The following UNC13C variants were observed in gnomAD, a reference collection of about 807,000 sequenced individuals.
UNC13C encodes protein unc-13 homolog C.
UNC13C carries 174 observed loss-of-function variants against 245.4 expected under a neutral mutation model. That is an observed-to-expected ratio of 0.71 (90% CI 0.63 to 0.80). The LOEUF is 0.80. Among genes scored for constraint, UNC13C ranks in the 30% least tolerant of loss-of-function variants. The pLI, the probability that UNC13C is intolerant of heterozygous loss-of-function variation, is 0.00. For missense variants in UNC13C, 2,829 were observed against 2,602.9 expected (o/e 1.09, Z -1.89); for synonymous variants, 992 against 895.1 (o/e 1.11, Z -1.93).
intron 4 of UNC13C, among the ~76,000 whole-genome samples, chr15:54,175,422 G>A (rs1437145238): frequency 6.6e-6 from 1 of 151,680 alleles, no homozygotes; most frequent in Non-Finnish European, 1.5e-5. Flanking sequence ...AAACCAAGGT[G>A]AGTCTTCCCT....
rs73416935 is a variant in UNC13C, at chr15:54,048,929, T to C, written c.2983+33043T>C. 9.7e-3 allele frequency: 2,703 copies of C among 278,218 alleles called. 66 individuals are homozygous for C. The highest frequency in any genetic ancestry group is 0.056 in the African/African-American group (2,449 of 43,752). The allele number at this position is 278,218 out of a possible 1,614,324, so 17.2% of individuals were successfully genotyped here. On this transcript the variant is annotated intron_variant, in intron 2 of 32. Coordinates refer to ENST00000260323, the MANE Select transcript of UNC13C (RefSeq NM_001080534.3). Reference sequence around the variant, plus strand: ...TATTGGAATAATACCACACTGTAAATTGAGTATCTTGAAGCCTGCAAAGGA... The same window carrying C: ...TATTGGAATAATACCACACTGTAAACTGAGTATCTTGAAGCCTGCAAAGGA...
chr15:54,038,124 A>ATAAAATTTTTTTTTTTTTTTTTTTTT, intron 2 of UNC13C, among the ~76,000 whole-genome samples: 2 of 45,034 alleles, frequency 4.4e-5, no homozygotes, highest in African/African-American at 2.1e-4. Flanking sequence ...ATATATATAT[A>ATAAAATTTTTTTTTTTTTTTTTTTTT]TTTTTTTTTT....
At chr15:54,345,762 C>T (rs969065750) in intron 17 of UNC13C, among the ~76,000 whole-genome samples, 1 of 152,084 alleles carries the variant, frequency 6.6e-6, no homozygotes, top group African/African-American at 2.4e-5. Context: ...GGACCAGCTC[C>T]CCATTTACTC....
intron 12 of UNC13C, among the ~76,000 whole-genome samples, 175 bp downstream of exon 12, chr15:54,298,101 C>G (rs1013138971): frequency 6.6e-6 from 1 of 152,048 alleles, no homozygotes; most frequent in African/African-American, 2.4e-5. Context: ...TGTTGTATTA[C>G]CCCTGACGAA....
chr15:54,167,602 G>GAAAAAAAAAAA (rs35210236), intron 4 of UNC13C, among the ~76,000 whole-genome samples: 34 of 63,554 alleles, frequency 5.3e-4, no homozygotes, highest in East Asian at 1.1e-3. Context: ...ATCCAAATAG[G>GAAAAAAAAAAA]AAAAAAAAAA....
At chr15:53,964,952 C>T in the UNC13C span, among the ~76,000 whole-genome samples, 2 of 152,098 alleles carry the variant, frequency 1.3e-5, no homozygotes, top group Non-Finnish European at 2.9e-5. Context: ...CCAAGATACA[C>T]ATCTTTTAGG....
At chr15:53,952,294 G>A in the UNC13C span, among the ~76,000 whole-genome samples, 6 of 152,164 alleles carry the variant, frequency 3.9e-5, no homozygotes, top group East Asian at 3.8e-4. Flanking sequence ...TTACCTGGCA[G>A]GACAATATCA....
intron 10 of UNC13C, among the ~76,000 whole-genome samples, chr15:54,284,316 A>G (rs1279774847): frequency 4.6e-5 from 7 of 152,196 alleles, no homozygotes; most frequent in Admixed American, 4.6e-4. Context: ...TGTAATATCT[A>G]ATGAGGAATT....
chr15:53,926,682 C>G, the UNC13C span, among the ~76,000 whole-genome samples: 2 of 152,110 alleles, frequency 1.3e-5, no homozygotes, highest in Non-Finnish European at 2.9e-5. Context: ...GAGATATCTG[C>G]CAGATTCTAT....
intron 2 of UNC13C, among the ~76,000 whole-genome samples, chr15:54,053,071 C>T (rs1441549413): frequency 6.6e-6 from 1 of 152,086 alleles, no homozygotes; most frequent in Non-Finnish European, 1.5e-5. Context: ...GTGATCTCGA[C>T]CCACTGCAAC....
chr15:54,555,564 C>T (rs991591300), intron 29 of UNC13C, 52 bp downstream of exon 29: 6 of 1,410,112 alleles, frequency 4.3e-6, no homozygotes, highest in Non-Finnish European at 5.9e-6. Flanking sequence ...CCATTTACCT[C>T]CAGAGATAGG....
At chr15:53,842,417 A>G in the UNC13C span, among the ~76,000 whole-genome samples, 6 of 152,126 alleles carry the variant, frequency 3.9e-5, no homozygotes, top group African/African-American at 1.4e-4. Flanking sequence ...TGATGTTCAG[A>G]TAGGGCTGAC....
At chr15:53,900,804 G>A in the UNC13C span, among the ~76,000 whole-genome samples, 1 of 152,086 alleles carries the variant, frequency 6.6e-6, no homozygotes, top group African/African-American at 2.4e-5. Context: ...GTGTACATTT[G>A]CAATACTGAC....
At chr15:54,352,683 A>G (rs1287750094) in intron 17 of UNC13C, among the ~76,000 whole-genome samples, 1 of 152,086 alleles carries the variant, frequency 6.6e-6, no homozygotes, top group African/African-American at 2.4e-5. Context: ...ATAGATGGCT[A>G]GCAAAGACAG....
chr15:53,849,051 T>C, the UNC13C span, among the ~76,000 whole-genome samples: 3 of 151,864 alleles, frequency 2.0e-5, no homozygotes, highest in Non-Finnish European at 2.9e-5. Flanking sequence ...GATAGCTGCT[T>C]ATAATCTATG....
At chr15:54,450,227 C>T (rs978013738) in intron 19 of UNC13C, among the ~76,000 whole-genome samples, 2 of 152,206 alleles carry the variant, frequency 1.3e-5, no homozygotes, top group Non-Finnish European at 2.9e-5. Context: ...CGGGGACCCA[C>T]TTGAGGAGTC....
At chr15:53,920,866 T>G in the UNC13C span, among the ~76,000 whole-genome samples, 879 of 150,592 alleles carry the variant, frequency 5.8e-3, 3 homozygotes, top group Non-Finnish European at 7.8e-3. Flanking sequence ...GGAGTCATTT[T>G]AATCAAATAA....
the UNC13C span, among the ~76,000 whole-genome samples, chr15:53,856,895 A>T: frequency 1.3e-5 from 2 of 152,058 alleles, no homozygotes; most frequent in Non-Finnish European, 2.9e-5. Context: ...GTCTCCCATT[A>T]TTTTTGTATG....
the UNC13C span, among the ~76,000 whole-genome samples, chr15:53,867,106 A>G: frequency 6.6e-6 from 1 of 152,234 alleles, no homozygotes; most frequent in East Asian, 1.9e-4. Context: ...ACATTTTATC[A>G]GCAATTAACA....
Sources: gnomAD v4.1 joint callset for allele counts (sites outside exome capture counted in the v4.1 genomes callset) on GRCh38, gnomAD v4.1.1 for gene constraint, MANE v1.5 for transcripts, NCBI Gene and HGNC (gene_info 2026-07-23, HGNC 2026-07-21) for gene names.